NALF1: variants seen among roughly 807,000 people sequenced by gnomAD.
NALF1 encodes NALCN channel auxiliary factor 1.
In NALF1, 3 loss-of-function variants were observed where a neutral mutation model predicts 48.4. The ratio of observed to expected loss-of-function variants is 0.06; its 90% CI spans 0.03 to 0.16. The LOEUF (loss-of-function observed/expected upper bound fraction) is 0.16, where lower values mean the gene tolerates loss of function less well. NALF1 is among the 10% of genes least tolerant of loss of function. The probability of loss-of-function intolerance (pLI) is 1.00; values close to 1 mark genes in which losing one functional copy is unlikely to be tolerated. For synonymous variants in NALF1, 262 were observed against 245.7 expected, an observed-to-expected ratio of 1.07 and a Z score of -0.62; for missense variants, 526 against 571.5, an observed-to-expected ratio of 0.92 and a Z score of 0.81.
At chr13:107,241,669 T>G (rs1880474258) in intron 1 of NALF1, among the ~76,000 whole-genome samples, 1 of 152,222 alleles carries the variant, frequency 6.6e-6, no homozygotes, top group East Asian at 1.9e-4. Flanking sequence ...ACTGGGTGTC[T>G]GTACTGCAGT....
At chr13:107,762,238 GAAAA>G (rs5806687) in intron 1 of NALF1, among the ~76,000 whole-genome samples, 1 of 143,976 alleles carries the variant, frequency 6.9e-6, no homozygotes, top group African/African-American at 2.6e-5. Context: ...CATTCTATCA[GAAAA>G]AAAAAAAAAA....
At chr13:107,224,825 A>C (rs1201674851) in intron 1 of NALF1, among the ~76,000 whole-genome samples, 1 of 152,198 alleles carries the variant, frequency 6.6e-6, no homozygotes, top group Non-Finnish European at 1.5e-5. Context: ...GAAATTAGTT[A>C]TTAGATTATT....
chr13:107,783,699 C>A (rs1445248597), intron 1 of NALF1, among the ~76,000 whole-genome samples: 1 of 151,660 alleles, frequency 6.6e-6, no homozygotes, highest in Non-Finnish European at 1.5e-5. Flanking sequence ...ACTCCCTAAT[C>A]TCAAGTACCC....
At chr13:107,697,746 C>T (rs1180912432) in intron 1 of NALF1, among the ~76,000 whole-genome samples, 4 of 152,100 alleles carry the variant, frequency 2.6e-5, no homozygotes, top group East Asian at 1.9e-4. Flanking sequence ...ACATTGAAGT[C>T]GCACATAAAT....
chr13:107,187,886 T>C (rs1414782779), intron 2 of NALF1, among the ~76,000 whole-genome samples: 1 of 152,232 alleles, frequency 6.6e-6, no homozygotes. Context: ...AATTCAGTTC[T>C]ATTAGGTTGG....
chr13:107,420,877 G>T (rs1594053854), intron 1 of NALF1, among the ~76,000 whole-genome samples: 1 of 152,150 alleles, frequency 6.6e-6, no homozygotes, highest in East Asian at 1.9e-4. Flanking sequence ...TCATTAGCTA[G>T]AAGACATTTC....
intron 1 of NALF1, among the ~76,000 whole-genome samples, chr13:107,660,460 C>CAT (rs1566434016): frequency 1.2e-4 from 15 of 120,734 alleles, no homozygotes; most frequent in African/African-American, 5.9e-4. Flanking sequence ...CACACACACA[C>CAT]ACACACACAC....
rs556697955 is a variant in NALF1 at position 107,352,967 on chromosome 13, T to G, written c.916-142212A>C. Among the ~76,000 whole-genome samples the G allele has an allele frequency of 2.2e-4, 33 of 152,246 alleles. No homozygotes were observed. In the South Asian group the frequency reaches 6.6e-3, roughly 31 times the overall value. The stretch of plus-strand genomic sequence containing the variant: ...ACTGGGTCACAATGCTTAGGTATTT[T>G]TTATATATTTTTCTGAGGGCAACCC... On this transcript the variant is annotated intron_variant, in intron 1 of 2. Transcript: ENST00000375915.
At chr13:107,666,808 T>G (rs1566436317) in intron 1 of NALF1, among the ~76,000 whole-genome samples, 1 of 152,156 alleles carries the variant, frequency 6.6e-6, no homozygotes, top group East Asian at 1.9e-4. Context: ...TAATTTCACG[T>G]TTTGATCCAA....
chr13:107,517,398 A>G (rs1315088352), intron 1 of NALF1, among the ~76,000 whole-genome samples: 1 of 151,886 alleles, frequency 6.6e-6, no homozygotes, highest in African/African-American at 2.4e-5. Context: ...TGGGAGGCTG[A>G]GGAGGGTGGA....
At chr13:107,518,599 CT>C (rs1237441699) in intron 1 of NALF1, among the ~76,000 whole-genome samples, 3 of 152,050 alleles carry the variant, frequency 2.0e-5, no homozygotes, top group Non-Finnish European at 4.4e-5. Context: ...CCAAAGGTAC[CT>C]TTTCTCCTTG....
intron 1 of NALF1, among the ~76,000 whole-genome samples, chr13:107,468,289 A>G (rs1464291614): frequency 6.6e-6 from 1 of 152,232 alleles, no homozygotes; most frequent in Non-Finnish European, 1.5e-5. Flanking sequence ...AATGGAGGCC[A>G]CTATGCCAAA....
At chr13:107,492,081 C>T (rs67868724) in intron 1 of NALF1, among the ~76,000 whole-genome samples, 6,187 of 129,682 alleles carry the variant, frequency 0.048, 467 homozygotes, top group African/African-American at 0.17. Flanking sequence ...ATCACTCTGT[C>T]GCCCAGGCTG....
At chr13:107,572,970 T>A (rs1164468167) in intron 1 of NALF1, among the ~76,000 whole-genome samples, 3 of 152,120 alleles carry the variant, frequency 2.0e-5, no homozygotes, top group African/African-American at 7.2e-5. Flanking sequence ...CCAGACCCCA[T>A]CTCCTGGTAC....
At chr13:107,784,060 T>C (rs887760160) in intron 1 of NALF1, among the ~76,000 whole-genome samples, 9 of 152,062 alleles carry the variant, frequency 5.9e-5, no homozygotes, top group African/African-American at 1.7e-4. Flanking sequence ...CCAAGAGCCA[T>C]GAAGAGGTGC....
At chr13:107,348,583 T>A (rs1882815693) in intron 1 of NALF1, among the ~76,000 whole-genome samples, 1 of 152,026 alleles carries the variant, frequency 6.6e-6, no homozygotes, top group African/African-American at 2.4e-5. Flanking sequence ...CCGAATGCTC[T>A]CCCTCCCCTT....
At chr13:107,742,423 T>TG (rs979816174) in intron 1 of NALF1, among the ~76,000 whole-genome samples, 3 of 152,300 alleles carry the variant, frequency 2.0e-5, no homozygotes, top group African/African-American at 7.2e-5. Flanking sequence ...AATTGAATCA[T>TG]GGGGGCGGTT....
At chr13:107,295,860 G>A (rs1189408163) in intron 1 of NALF1, among the ~76,000 whole-genome samples, 1 of 152,160 alleles carries the variant, frequency 6.6e-6, no homozygotes, top group Admixed American at 6.5e-5. Context: ...TACTTTAACA[G>A]TTTCTCAAAG....
chr13:107,726,551 T>G (rs542081282), intron 1 of NALF1, among the ~76,000 whole-genome samples: 2 of 152,182 alleles, frequency 1.3e-5, no homozygotes, highest in Admixed American at 6.5e-5. Flanking sequence ...TTTTTAAAGT[T>G]TTGTGAAAGT....
Sources: allele counts gnomAD v4.1 joint callset (sites outside exome capture counted in the v4.1 genomes callset), GRCh38; gene constraint gnomAD v4.1.1; transcripts MANE v1.5; gene names NCBI Gene and HGNC (gene_info 2026-07-23, HGNC 2026-07-21).